The following CAPZB variants were observed in gnomAD, a reference collection of about 807,000 sequenced individuals.
CAPZB encodes F-actin-capping protein subunit beta.
Under a neutral mutation model 38.1 loss-of-function variants are expected in CAPZB, and 2 were observed. The observed-to-expected ratio is 0.05, with a 90% confidence interval of 0.02 to 0.17. The LOEUF (loss-of-function observed/expected upper bound fraction) is 0.17, where lower values mean the gene tolerates loss of function less well. Ranked by LOEUF, CAPZB falls within the 10% of genes least tolerant of loss-of-function variation. The probability of loss-of-function intolerance (pLI) is 1.00; values close to 1 mark genes in which losing one functional copy is unlikely to be tolerated. For missense variants in CAPZB, 161 were observed against 334.2 expected (o/e 0.48, Z 4.04); for synonymous variants, 107 against 127.4 (o/e 0.84, Z 1.08).
At chr1:19,431,984 G>A (rs1487090894) in intron 1 of CAPZB, among the ~76,000 whole-genome samples, 4 of 142,002 alleles carry the variant, frequency 2.8e-5, no homozygotes, top group Admixed American at 2.1e-4. Context: ...AGGCTGGGGC[G>A]GAAAGATCAC....
chr1:19,389,929 T>C (rs1324272844), intron 2 of CAPZB, among the ~76,000 whole-genome samples: 2 of 152,226 alleles, frequency 1.3e-5, no homozygotes, highest in Non-Finnish European at 2.9e-5. Flanking sequence ...ACTTTCACCT[T>C]ACTCCTTCCT....
At chr1:19,382,253 T>C (rs1284403559) in intron 3 of CAPZB, among the ~76,000 whole-genome samples, 1 of 152,088 alleles carries the variant, frequency 6.6e-6, no homozygotes, top group African/African-American at 2.4e-5. Flanking sequence ...CCAGGGTAAT[T>C]GTAGCTGAGG....
At chr1:19,431,346 G>A (rs2094441125) in intron 1 of CAPZB, among the ~76,000 whole-genome samples, 1 of 152,192 alleles carries the variant, frequency 6.6e-6, no homozygotes, top group Non-Finnish European at 1.5e-5. Flanking sequence ...AAATGCTTCT[G>A]GTCCCAAGCA....
intron 1 of CAPZB, among the ~76,000 whole-genome samples, chr1:19,453,247 G>A (rs1237588487): frequency 5.3e-5 from 8 of 152,120 alleles, no homozygotes; most frequent in South Asian, 2.1e-4. Flanking sequence ...CTAACAGCAC[G>A]TCTTTTATTC....
chr1:19,383,311 T>C (rs1268976813), intron 3 of CAPZB, among the ~76,000 whole-genome samples: 1 of 151,932 alleles, frequency 6.6e-6, no homozygotes, highest in Non-Finnish European at 1.5e-5. Context: ...CTGGGAGCGA[T>C]GGCGTACACC....
chr1:19,340,191 G>T (rs1415314346), intron 8 of CAPZB, among the ~76,000 whole-genome samples: 1 of 152,210 alleles, frequency 6.6e-6, no homozygotes, highest in Non-Finnish European at 1.5e-5. Flanking sequence ...CTTGGGAGTG[G>T]GTAAGAACCA....
chr1:19,406,450 C>T (rs186800369), intron 2 of CAPZB, among the ~76,000 whole-genome samples: 2 of 152,242 alleles, frequency 1.3e-5, no homozygotes, highest in East Asian at 3.9e-4. Context: ...GGGGAAGCTA[C>T]CCACTACGGA....
chr1:19,371,053 G>A (rs543342940), intron 4 of CAPZB, among the ~76,000 whole-genome samples: 2 of 152,170 alleles, frequency 1.3e-5, no homozygotes, highest in African/African-American at 4.8e-5. Context: ...CCTGGTGACC[G>A]ATCCCAAGGA....
chr1:19,372,881 G>A (rs1402219065), intron 4 of CAPZB, among the ~76,000 whole-genome samples: 2 of 152,148 alleles, frequency 1.3e-5, no homozygotes, highest in Non-Finnish European at 2.9e-5. Context: ...TAGCCTAGAT[G>A]TTGGGGACCA....
At position 19,382,558 on chromosome 1, in the gene CAPZB, G is replaced by A. The variant is rs541573907; in HGVS notation, c.215+2947C>T. ...ACCTTGAAGTTTCATATCGAGAAGA[G>A]GAGAAAGAAAGACATACTTTCTGCC... is the stretch of plus-strand genomic sequence containing the variant. On this transcript the variant is annotated intron_variant, in intron 3 of 8. Transcript: ENST00000264202. 3.9e-5 allele frequency among the ~76,000 whole-genome samples: 6 copies of A among 152,260 alleles called. No homozygotes were observed. The East Asian group carries it at 5.8e-4, about 15-fold the overall frequency.
intron 2 of CAPZB, among the ~76,000 whole-genome samples, chr1:19,389,938 C>T (rs539581866): frequency 9.8e-4 from 150 of 152,352 alleles, no homozygotes; most frequent in Non-Finnish European, 1.1e-3. Flanking sequence ...TTACTCCTTC[C>T]TCACCACTTA....
In CAPZB at chr1:19,484,512, C is replaced by A. The variant is rs554129050; in HGVS notation, c.3+924G>T. The A allele has an allele frequency of 1.0e-3, 1,387 of 1,358,634 alleles. 10 individuals are homozygous for A. Among genetic ancestry groups the A allele is most frequent in the Non-Finnish European group, 4.4e-4 (464 of 1,048,510 alleles). The allele number at this position is 1,358,634 out of a possible 1,614,324, so 84.2% of individuals were successfully genotyped here. ...GCAGAGCAGCGCGCTGCCTTCTGGG[C>A]ACACCGATGCCCGCCCTTCCCTCGC... On this transcript the variant is annotated intron_variant, in intron 1 of 8. Coordinates refer to ENST00000264202, the MANE Select transcript of CAPZB (RefSeq NM_004930.5).
At chr1:19,421,952 TC>T (rs1026653405) in intron 1 of CAPZB, among the ~76,000 whole-genome samples, 1 of 151,990 alleles carries the variant, frequency 6.6e-6, no homozygotes, top group Admixed American at 6.6e-5. Flanking sequence ...CTGCCCAACC[TC>T]CCCGCCCCTC....
intron 2 of CAPZB, among the ~76,000 whole-genome samples, chr1:19,390,697 G>A (rs1156746230): frequency 6.6e-6 from 1 of 152,180 alleles, no homozygotes; most frequent in South Asian, 2.1e-4. Context: ...GGTGGGGAGT[G>A]GGTAAAGTGA....
chr1:19,470,549 C>T (rs950639454), intron 1 of CAPZB, among the ~76,000 whole-genome samples: 3 of 152,168 alleles, frequency 2.0e-5, no homozygotes, highest in Admixed American at 2.0e-4. Context: ...GTTTATGTGG[C>T]AGAAAAGACT....
intron 2 of CAPZB, among the ~76,000 whole-genome samples, chr1:19,413,028 T>A (rs1006577308): frequency 3.9e-5 from 6 of 152,204 alleles, no homozygotes; most frequent in African/African-American, 1.4e-4. Context: ...TAGTGTCTGG[T>A]GCATGGATGG....
chr1:19,387,122 A>G (rs2094208455), intron 2 of CAPZB, among the ~76,000 whole-genome samples: 1 of 152,238 alleles, frequency 6.6e-6, no homozygotes, highest in Non-Finnish European at 1.5e-5. Context: ...CGCATTCTGC[A>G]AAGTGGGTAT....
In CAPZB at chr1:19,357,448, C is replaced by T; in HGVS notation, c.445G>A (p.Asp149Asn). 1.2e-6 allele frequency: 2 copies of T among 1,614,026 alleles called. No homozygotes were observed. Among genetic ancestry groups the T allele is most frequent in the Non-Finnish European group, 1.7e-6 (2 of 1,180,018 alleles). Residue 149 changes from aspartate (D) to asparagine (N), a missense_variant, in exon 5 of 9, where the codon GAT (aspartate) becomes AAT (asparagine). Asp to Asn is a conservative substitution (Grantham distance 23). Coordinates refer to ENST00000264202, the MANE Select transcript of CAPZB (RefSeq NM_004930.5). The surrounding 1 kb of genome is among the most constrained non-coding windows in gnomAD (Gnocchi z 4.3). ...DGSKKIKGCW[D>N]SIHVVEVQEK... The stretch of plus-strand genomic sequence containing the variant: ...TGCACTTCTACCACGTGGATGGAAT[C>T]CCAGCAGCCTTTGATCTTCTTTGAT...
At chr1:19,457,981 T>C (rs1362774175) in intron 1 of CAPZB, among the ~76,000 whole-genome samples, 1 of 151,848 alleles carries the variant, frequency 6.6e-6, no homozygotes, top group Non-Finnish European at 1.5e-5. Flanking sequence ...GACTTCCTGA[T>C]AATGTGGGAA....
Sources: allele counts gnomAD v4.1 joint callset (sites outside exome capture counted in the v4.1 genomes callset), GRCh38; gene constraint gnomAD v4.1.1; non-coding constraint Gnocchi (gnomAD v3.1); transcripts MANE v1.5; gene names NCBI Gene and HGNC (gene_info 2026-07-23, HGNC 2026-07-21).